Variants in LRP12 observed in about 807,000 individuals in gnomAD.
LRP12 encodes the protein LDL receptor related protein 12, also known as low-density lipoprotein receptor-related protein 12.
Under a neutral mutation model 66.0 loss-of-function variants are expected in LRP12, and 14 were observed. The observed-to-expected ratio is 0.21, with a 90% CI of 0.14 to 0.33. LRP12 has a LOEUF of 0.33. LRP12 is among the 10% of genes least tolerant of loss of function. The pLI, the probability that LRP12 is intolerant of heterozygous loss-of-function variation, is 1.00. For synonymous variants in LRP12, 357 were observed against 359.1 expected, an observed-to-expected ratio of 0.99 and a Z score of 0.07; for missense variants, 889 against 1,053.4, an observed-to-expected ratio of 0.84 and a Z score of 2.16.
At chr8:104,561,147 A>G (rs1811901236) in intron 1 of LRP12, among the ~76,000 whole-genome samples, 1 of 152,298 alleles carries the variant, frequency 6.6e-6, no homozygotes, top group African/African-American at 2.4e-5. Context: ...AAAAAACAAA[A>G]CAAAACAACG....
chr8:104,581,398 G>A (rs1299371846), intron 1 of LRP12, among the ~76,000 whole-genome samples: 1 of 152,044 alleles, frequency 6.6e-6, no homozygotes, highest in Non-Finnish European at 1.5e-5. Flanking sequence ...ACTAGGTGAT[G>A]AAATAATCTG....
In LRP12 at chr8:104,575,364, C is replaced by T. The variant is rs117723748; in HGVS notation, c.79+13455G>A. Among the ~76,000 whole-genome samples the T allele has an allele frequency of 7.6e-3, 1,150 of 152,316 alleles. 5 individuals are homozygous for T. Among genetic ancestry groups the T allele is most frequent in the South Asian group, 0.015 (71 of 4,828 alleles). Reference sequence around the variant, plus strand: ...GAACACCCACAGGAAGGCAGGCACCCTGGCACTGCTAGTGCTCTGCCACAG... The same window carrying T: ...GAACACCCACAGGAAGGCAGGCACCTTGGCACTGCTAGTGCTCTGCCACAG... On this transcript the variant is annotated intron_variant, in intron 1 of 6. Transcript: ENST00000276654.
intron 1 of LRP12, among the ~76,000 whole-genome samples, chr8:104,558,816 T>C (rs1564144913): frequency 6.6e-6 from 1 of 151,520 alleles, no homozygotes; most frequent in Non-Finnish European, 1.5e-5. Context: ...AAACAATTCT[T>C]TAAAGAAGAT....
intron 1 of LRP12, among the ~76,000 whole-genome samples, chr8:104,543,782 C>A (rs755335197): frequency 3.9e-5 from 6 of 152,000 alleles, no homozygotes; most frequent in Non-Finnish European, 7.4e-5. Context: ...ATGAGCTAGG[C>A]GTGGTGGCGC....
At chr8:104,576,403 G>A (rs187877135) in intron 1 of LRP12, among the ~76,000 whole-genome samples, 2 of 150,120 alleles carry the variant, frequency 1.3e-5, no homozygotes, top group East Asian at 3.9e-4. Flanking sequence ...AAGTCCATCA[G>A]ACTAACAGCA....
chr8:104,515,044 A>G (rs577095986), intron 2 of LRP12, among the ~76,000 whole-genome samples: 1 of 152,320 alleles, frequency 6.6e-6, no homozygotes, highest in Admixed American at 6.5e-5. Context: ...GTCATGATTA[A>G]CTGGTTACCT....
In LRP12 at chr8:104,585,943, T is replaced by TA. The variant is rs1812323752; in HGVS notation, c.79+2875dup. ...TAGATTTGTAAAAGCGAGACATCCCTATGTGAAAAATGACAAAGCACTTTT... is the reference window on the plus strand; with the variant it reads ...TAGATTTGTAAAAGCGAGACATCCCTAATGTGAAAAATGACAAAGCACTTTT... On this transcript the variant is annotated intron_variant, in intron 1 of 6. Transcript: ENST00000276654. 2.0e-5 allele frequency among the ~76,000 whole-genome samples: 3 copies of TA among 152,218 alleles called. No homozygotes were observed. The South Asian group carries it at 6.2e-4, about 32-fold the overall frequency.
At chr8:104,542,908 T>C (rs538482858) in intron 1 of LRP12, among the ~76,000 whole-genome samples, 2 of 151,900 alleles carry the variant, frequency 1.3e-5, no homozygotes, top group African/African-American at 4.8e-5. Context: ...GGAGTTTGTC[T>C]TGCAGTCTCA....
intron 1 of LRP12, among the ~76,000 whole-genome samples, chr8:104,539,931 A>T (rs891630230): frequency 1.3e-5 from 2 of 152,156 alleles, no homozygotes; most frequent in African/African-American, 4.8e-5. Flanking sequence ...CTGTAAGGCC[A>T]AACCCTAATA....
intron 6 of LRP12, among the ~76,000 whole-genome samples, chr8:104,493,383 T>A (rs1810668303): frequency 6.6e-6 from 1 of 152,218 alleles, no homozygotes; most frequent in South Asian, 2.1e-4. Flanking sequence ...CATAAACATA[T>A]TTTATTCTAA....
At chr8:104,568,238 C>T (rs1293523762) in intron 1 of LRP12, among the ~76,000 whole-genome samples, 2 of 152,058 alleles carry the variant, frequency 1.3e-5, no homozygotes, top group Middle Eastern at 3.2e-3. Flanking sequence ...ATGAATTTGA[C>T]CCCTACCTCA....
intron 1 of LRP12, among the ~76,000 whole-genome samples, chr8:104,577,129 T>C (rs889279756): frequency 6.6e-6 from 1 of 152,074 alleles, no homozygotes; most frequent in Non-Finnish European, 1.5e-5. Context: ...TCCCACATAA[T>C]AATAGTGGGA....
chr8:104,495,182 C>T lies in LRP12; in HGVS notation c.1608G>A (p.Val536=), dbSNP rs1810704967. The T allele has an allele frequency of 1.2e-6, 2 of 1,613,632 alleles. No individual in the cohort carries two copies. The highest frequency in any genetic ancestry group is 1.7e-6 in the Non-Finnish European group (2 of 1,179,776). ...RRSFETQLSR[V]EAELLRREAP... ...CTTCTCTTCTTAACAATTCTGCTTC[C>T]ACTCTTGACAACTGTGTTTCAAATG... Residue 536 remains valine, a synonymous_variant, in exon 6 of 7, where the codon GTG becomes GTA. Coordinates refer to ENST00000276654, the MANE Select transcript of LRP12 (RefSeq NM_013437.5).
At chr8:104,582,993 C>G (rs1253681529) in intron 1 of LRP12, among the ~76,000 whole-genome samples, 1 of 152,098 alleles carries the variant, frequency 6.6e-6, no homozygotes, top group Non-Finnish European at 1.5e-5. Context: ...TTACCTCTTA[C>G]GGCAAGAGGA....
chr8:104,531,783 T>C (rs910345658), intron 2 of LRP12, 124 bp downstream of exon 2: 2 of 667,570 alleles, frequency 3.0e-6, no homozygotes, highest in Non-Finnish European at 5.3e-6. Flanking sequence ...CATTCCTTAT[T>C]ACATGCTGCA....
chr8:104,549,023 T>G (rs1811685855), intron 1 of LRP12, among the ~76,000 whole-genome samples: 1 of 152,126 alleles, frequency 6.6e-6, no homozygotes, highest in Admixed American at 6.5e-5. Flanking sequence ...AGGTCTAAGG[T>G]CACTCTGGAT....
intron 2 of LRP12, among the ~76,000 whole-genome samples, chr8:104,530,325 C>T (rs554839790): frequency 6.6e-6 from 1 of 152,140 alleles, no homozygotes; most frequent in African/African-American, 2.4e-5. Flanking sequence ...TTTGGAGACA[C>T]AGCCTTTAAG....
At chr8:104,577,969 C>G (rs769035327) in intron 1 of LRP12, among the ~76,000 whole-genome samples, 11 of 151,952 alleles carry the variant, frequency 7.2e-5, no homozygotes, top group Non-Finnish European at 1.6e-4. Context: ...AAATTAACAA[C>G]TTAACATCAC....
intron 2 of LRP12, among the ~76,000 whole-genome samples, chr8:104,511,897 CT>C (rs1416135163): frequency 6.6e-6 from 1 of 150,516 alleles, no homozygotes. Flanking sequence ...GTCAAAGCTT[CT>C]TTTTTTCTTT....
Sources: allele counts gnomAD v4.1 joint callset (sites outside exome capture counted in the v4.1 genomes callset), GRCh38; gene constraint gnomAD v4.1.1; transcripts MANE v1.5; gene names NCBI Gene and HGNC (gene_info 2026-07-23, HGNC 2026-07-21).